Variants in SHB observed in about 807,000 individuals in gnomAD.
The protein encoded by SHB is SH2 domain containing adaptor protein B, also known as SH2 domain-containing adapter protein B.
SHB carries 20 observed loss-of-function variants against 52.3 expected under a neutral mutation model. The ratio of observed to expected loss-of-function variants is 0.38; its 90% CI spans 0.27 to 0.56. The LOEUF is 0.56. SHB is among the 20% of genes least tolerant of loss of function. The pLI, the probability that SHB is intolerant of heterozygous loss-of-function variation, is 0.71. For missense variants in SHB, 825 were observed against 723.3 expected, an observed-to-expected ratio of 1.14 and a Z score of -1.61; for synonymous variants, 397 against 316.5, an observed-to-expected ratio of 1.25 and a Z score of -2.70.
chr9:38,060,108 T>C (rs1245972032), intron 1 of SHB, among the ~76,000 whole-genome samples: 2 of 152,200 alleles, frequency 1.3e-5, no homozygotes, highest in African/African-American at 4.8e-5. Flanking sequence ...GCACAGTGGT[T>C]ACAAACAGAT....
chr9:38,064,210 C>T (rs1250077718), intron 1 of SHB, among the ~76,000 whole-genome samples: 2 of 152,042 alleles, frequency 1.3e-5, no homozygotes, highest in African/African-American at 4.8e-5. Context: ...CTACAACTGT[C>T]CCCTAACTTT....
At chr9:37,930,784 C>T (rs553639450) in intron 5 of SHB, among the ~76,000 whole-genome samples, 1 of 152,204 alleles carries the variant, frequency 6.6e-6, no homozygotes, top group African/African-American at 2.4e-5. Context: ...CCCTGAGTAA[C>T]CATAAAAGAC....
At chr9:38,009,602 T>C (rs1821112703) in intron 2 of SHB, among the ~76,000 whole-genome samples, 1 of 152,222 alleles carries the variant, frequency 6.6e-6, no homozygotes, top group South Asian at 2.1e-4. Flanking sequence ...AATTGGAACA[T>C]CGTCTTTAAC....
chr9:38,056,890 A>T (rs1416529537), intron 1 of SHB, among the ~76,000 whole-genome samples: 1 of 152,244 alleles, frequency 6.6e-6, no homozygotes. Context: ...GTTTTGGAAA[A>T]GCAACACAAA....
intron 2 of SHB, among the ~76,000 whole-genome samples, chr9:37,979,223 G>A (rs1105773): frequency 0.42 from 64,352 of 152,122 alleles, 13,730 homozygotes; most frequent in East Asian, 0.72. Flanking sequence ...TTTAATATTA[G>A]GTGGCAGTCT....
At chr9:37,958,856 A>G (rs1832663636) in intron 3 of SHB, among the ~76,000 whole-genome samples, 1 of 152,122 alleles carries the variant, frequency 6.6e-6, no homozygotes, top group Non-Finnish European at 1.5e-5. Flanking sequence ...ATGGTCTTGG[A>G]CAGGGGGTTG....
intron 3 of SHB, among the ~76,000 whole-genome samples, chr9:37,966,786 C>T (rs1035260036): frequency 2.6e-5 from 4 of 152,234 alleles, no homozygotes; most frequent in Admixed American, 6.5e-5. Context: ...CTGCAGATGC[C>T]GGGGCCCTGT....
chr9:38,062,644 A>T (rs1369148297), intron 1 of SHB, among the ~76,000 whole-genome samples: 1 of 152,228 alleles, frequency 6.6e-6, no homozygotes, highest in Admixed American at 6.5e-5. Context: ...CCTAGCCAGG[A>T]TCAGCAGGGC....
At chr9:37,920,667 G>C (rs964725612) in intron 5 of SHB, among the ~76,000 whole-genome samples, 2 of 152,230 alleles carry the variant, frequency 1.3e-5, no homozygotes, top group Admixed American at 6.5e-5. Flanking sequence ...CCTGTCTCCT[G>C]CAAGGTCCAG....
chr9:38,000,066 C>T (rs958699472), intron 2 of SHB, among the ~76,000 whole-genome samples: 1 of 152,232 alleles, frequency 6.6e-6, no homozygotes, highest in East Asian at 1.9e-4. Flanking sequence ...TTTCCACAGG[C>T]CCAGGGCTGG....
At chr9:38,015,970 A>G (rs1821204360) in intron 2 of SHB, 41 bp downstream of exon 2, 1 of 1,606,710 alleles carries the variant, frequency 6.2e-7, no homozygotes, top group East Asian at 2.2e-5. Flanking sequence ...TTCTACCCCT[A>G]CAACCCCAGC....
At chr9:38,046,823 G>A (rs932464428) in intron 1 of SHB, among the ~76,000 whole-genome samples, 10 of 152,194 alleles carry the variant, frequency 6.6e-5, no homozygotes, top group East Asian at 1.9e-4. Context: ...AAATCCCTTC[G>A]TCGCTTGTGG....
At chr9:38,027,471 C>A (rs187149002) in intron 1 of SHB, among the ~76,000 whole-genome samples, 3 of 152,206 alleles carry the variant, frequency 2.0e-5, no homozygotes, top group Non-Finnish European at 4.4e-5. Flanking sequence ...ACAGGCCATG[C>A]CTTTTAGTCT....
At chr9:38,056,973 T>C (rs1821829289) in intron 1 of SHB, among the ~76,000 whole-genome samples, 1 of 152,188 alleles carries the variant, frequency 6.6e-6, no homozygotes, top group Non-Finnish European at 1.5e-5. Flanking sequence ...ATTCCGAGGA[T>C]TGTGTGAGAA....
intron 2 of SHB, among the ~76,000 whole-genome samples, chr9:37,997,513 C>A (rs1040252585): frequency 2.0e-5 from 3 of 152,194 alleles, no homozygotes; most frequent in Admixed American, 6.5e-5. Flanking sequence ...GTCCCCACAG[C>A]GCAAAGTAAA....
At chr9:38,027,260 C>T (rs1821354842) in intron 1 of SHB, among the ~76,000 whole-genome samples, 1 of 152,232 alleles carries the variant, frequency 6.6e-6, no homozygotes, top group Non-Finnish European at 1.5e-5. Flanking sequence ...TTCCAAATTT[C>T]TCACCAGCTA....
chr9:38,033,770 A>AG (rs1821447952), intron 1 of SHB, among the ~76,000 whole-genome samples: 2 of 152,094 alleles, frequency 1.3e-5, no homozygotes, highest in East Asian at 3.9e-4. Context: ...TGGCTCACGC[A>AG]GGCCTGCTTG....
intron 1 of SHB, among the ~76,000 whole-genome samples, chr9:38,021,689 TGATGA>T (rs1447307125): frequency 6.6e-6 from 1 of 150,608 alleles, no homozygotes; most frequent in Non-Finnish European, 1.5e-5. Context: ...AAAAAAAGAA[TGATGA>T]GAGAGGCAGA....
chr9:37,961,633 G>C (rs1314210102), intron 3 of SHB, among the ~76,000 whole-genome samples: 1 of 152,174 alleles, frequency 6.6e-6, no homozygotes, highest in Admixed American at 6.5e-5. Context: ...CTGCCTTTTT[G>C]TCTTTAGGGC....
Sources: allele counts gnomAD v4.1 joint callset (sites outside exome capture counted in the v4.1 genomes callset), GRCh38; gene constraint gnomAD v4.1.1; transcripts MANE v1.5; gene names NCBI Gene and HGNC (gene_info 2026-07-23, HGNC 2026-07-21).